The following ADK variants were observed in gnomAD, a reference collection of about 807,000 sequenced individuals.
ADK encodes N6,N6-dimethyladenosine kinase.
Under a neutral mutation model 44.7 loss-of-function variants are expected in ADK, and 24 were observed. The observed-to-expected ratio is 0.54, with a 90% CI of 0.39 to 0.76. ADK has a LOEUF of 0.76. ADK is among the 30% of genes least tolerant of loss of function. The probability of loss-of-function intolerance (pLI) is 0.00; values close to 1 mark genes in which losing one functional copy is unlikely to be tolerated. For synonymous variants in ADK, 128 were observed against 142.6 expected, an observed-to-expected ratio of 0.90 and a Z score of 0.73; for missense variants, 321 against 425.1, an observed-to-expected ratio of 0.76 and a Z score of 2.15.
At chr10:74,550,124 G>A (rs56198167) in intron 7 of ADK, among the ~76,000 whole-genome samples, 90,257 of 149,062 alleles carry the variant, frequency 0.61, 29,808 homozygotes, top group Middle Eastern at 0.79. Flanking sequence ...AGGCTGCAGT[G>A]CAGTGGCGTG....
chr10:74,613,922 T>G (rs1347753914), intron 9 of ADK, among the ~76,000 whole-genome samples: 1 of 152,114 alleles, frequency 6.6e-6, no homozygotes, highest in Non-Finnish European at 1.5e-5. Flanking sequence ...ATAAACTAAG[T>G]GGCATTCTTT....
intron 10 of ADK, among the ~76,000 whole-genome samples, chr10:74,678,946 C>A (rs1855502264): frequency 6.6e-6 from 1 of 152,208 alleles, no homozygotes; most frequent in Non-Finnish European, 1.5e-5. Context: ...TACTGCATAA[C>A]TAACCACTTT....
At chr10:74,652,837 A>G (rs966588779) in intron 9 of ADK, among the ~76,000 whole-genome samples, 5 of 152,116 alleles carry the variant, frequency 3.3e-5, no homozygotes, top group Non-Finnish European at 7.4e-5. Context: ...CTCATAGCAA[A>G]CCAAGCCCTA....
At chr10:74,312,914 C>CAAAAAAAAAAAAAAAAAAAAAAA (rs56052959) in intron 3 of ADK, among the ~76,000 whole-genome samples, 1 of 37,832 alleles carries the variant, frequency 2.6e-5, no homozygotes, top group African/African-American at 9.8e-5. Flanking sequence ...ATTCTGTCTC[C>CAAAAAAAAAAAAAAAAAAAAAAA]AAAAAAAAAA....
At chr10:74,452,932 A>G (rs1845823954) in intron 6 of ADK, among the ~76,000 whole-genome samples, 1 of 152,102 alleles carries the variant, frequency 6.6e-6, no homozygotes, top group Admixed American at 6.5e-5. Context: ...AATAAAAATA[A>G]GAACAACTTA....
At chr10:74,479,079 A>G (rs1221407241) in intron 6 of ADK, among the ~76,000 whole-genome samples, 1 of 151,758 alleles carries the variant, frequency 6.6e-6, no homozygotes, top group African/African-American at 2.4e-5. Context: ...GCCCACTGCG[A>G]CCTCTGCCTC....
intron 7 of ADK, among the ~76,000 whole-genome samples, chr10:74,550,286 G>T (rs1008234456): frequency 6.6e-6 from 1 of 151,744 alleles, no homozygotes; most frequent in African/African-American, 2.4e-5. Flanking sequence ...GGCCAGGCTG[G>T]TCTCGAACTC....
chr10:74,498,298 T>C (rs1427703095), intron 6 of ADK, among the ~76,000 whole-genome samples: 1 of 152,256 alleles, frequency 6.6e-6, no homozygotes, highest in East Asian at 1.9e-4. Flanking sequence ...ATTAAGATTT[T>C]ACCACTGATC....
rs530022766 is a variant in ADK, at chr10:74,283,050, G to A, written c.195-31617G>A. Reference sequence around the variant, plus strand: ...TAGATTAGCCTAAGGAAAAATTGTTGGGAAGCTTTTGGAGTTCTCATCTGT... The same window carrying A: ...TAGATTAGCCTAAGGAAAAATTGTTAGGAAGCTTTTGGAGTTCTCATCTGT... On this transcript the variant is annotated intron_variant, in intron 3 of 10. Coordinates refer to ENST00000539909, the MANE Select transcript of ADK (RefSeq NM_006721.4). 5.9e-5 allele frequency among the ~76,000 whole-genome samples: 9 copies of A among 152,162 alleles called. 1 individual carries two copies. The South Asian group carries it at 1.9e-3, about 32-fold the overall frequency.
intron 7 of ADK, among the ~76,000 whole-genome samples, chr10:74,585,322 G>A (rs895298212): frequency 1.3e-5 from 2 of 152,134 alleles, no homozygotes; most frequent in African/African-American, 4.8e-5. Context: ...GAAAAAATGG[G>A]TCTGTTTTTG....
chr10:74,188,241 C>G (rs940487722), intron 1 of ADK, among the ~76,000 whole-genome samples: 1 of 149,604 alleles, frequency 6.7e-6, no homozygotes, highest in Admixed American at 6.7e-5. Flanking sequence ...GTTGGTACTT[C>G]TTTTGAATTT....
At chr10:74,665,371 T>G (rs187887689) in intron 9 of ADK, among the ~76,000 whole-genome samples, 1 of 152,162 alleles carries the variant, frequency 6.6e-6, no homozygotes, top group Non-Finnish European at 1.5e-5. Context: ...TTACCATCAC[T>G]TTTCTGTTTC....
chr10:74,700,635 A>G (rs1856388957), intron 10 of ADK, among the ~76,000 whole-genome samples: 1 of 151,858 alleles, frequency 6.6e-6, no homozygotes, highest in South Asian at 2.1e-4. Flanking sequence ...AAAAAAAAAG[A>G]AAAGAAAAAG....
intron 1 of ADK, among the ~76,000 whole-genome samples, chr10:74,187,911 T>C (rs931441704): frequency 6.6e-6 from 1 of 152,220 alleles, no homozygotes; most frequent in African/African-American, 2.4e-5. Context: ...CCACACTGTC[T>C]TAATTATTGT....
intron 9 of ADK, chr10:74,656,065 TG>T: frequency 2.2e-6 from 1 of 444,660 alleles, no homozygotes; most frequent in Non-Finnish European, 4.3e-6. Flanking sequence ...ATGATAGACC[TG>T]GGACATGTGA....
chr10:74,166,962 AGTGAGTT>A (rs1842052510), intron 1 of ADK, among the ~76,000 whole-genome samples: 1 of 152,204 alleles, frequency 6.6e-6, no homozygotes, highest in Non-Finnish European at 1.5e-5. Flanking sequence ...GCACCTGTTA[AGTGAGTT>A]GTATAGACTA....
At chr10:74,455,352 A>T (rs534693345) in intron 6 of ADK, among the ~76,000 whole-genome samples, 2 of 152,126 alleles carry the variant, frequency 1.3e-5, no homozygotes, top group African/African-American at 4.8e-5. Flanking sequence ...AAAAAATAAA[A>T]AATAAAAATT....
chr10:74,230,680 G>A (rs1297063691), intron 3 of ADK, among the ~76,000 whole-genome samples: 2 of 133,336 alleles, frequency 1.5e-5, no homozygotes, highest in Admixed American at 8.3e-5. Flanking sequence ...CACCCAGCCA[G>A]TAACTTTTTT....
chr10:74,259,718 A>C (rs773275854), intron 3 of ADK, among the ~76,000 whole-genome samples: 1 of 151,804 alleles, frequency 6.6e-6, no homozygotes, highest in Non-Finnish European at 1.5e-5. Context: ...TCGCCTCCCA[A>C]AGTGCTAGGA....
Sources: allele counts gnomAD v4.1 joint callset (sites outside exome capture counted in the v4.1 genomes callset), GRCh38; gene constraint gnomAD v4.1.1; transcripts MANE v1.5; gene names NCBI Gene and HGNC (gene_info 2026-07-23, HGNC 2026-07-21).